Variants in OSBPL6 observed in about 807,000 individuals in gnomAD.
The protein encoded by OSBPL6 is oxysterol-binding protein-related protein 6.
OSBPL6 carries 49 observed loss-of-function variants against 125.8 expected under a neutral mutation model. The observed-to-expected ratio is 0.39, with a 90% CI of 0.31 to 0.49. The LOEUF (loss-of-function observed/expected upper bound fraction) is 0.49. Among genes scored for constraint, OSBPL6 ranks in the 20% least tolerant of loss-of-function variants. The pLI is 0.88. For synonymous variants in OSBPL6, 394 were observed against 391.8 expected (o/e 1.01, Z -0.07); for missense variants, 986 against 1,135.4 (o/e 0.87, Z 1.89).
intron 11 of OSBPL6, among the ~76,000 whole-genome samples, chr2:178,348,199 T>C (rs1029051896): frequency 6.6e-6 from 1 of 152,192 alleles, no homozygotes; most frequent in Non-Finnish European, 1.5e-5. Flanking sequence ...AAGGTAATGG[T>C]TCCTTCCTCC....
intron 13 of OSBPL6, among the ~76,000 whole-genome samples, chr2:178,363,072 G>C (rs570888796): frequency 1.3e-5 from 2 of 152,174 alleles, no homozygotes; most frequent in Non-Finnish European, 2.9e-5. Context: ...ATGTCATCTT[G>C]TAAACATATA....
At chr2:178,275,522 A>C (rs1235131113) in intron 1 of OSBPL6, among the ~76,000 whole-genome samples, 1 of 151,916 alleles carries the variant, frequency 6.6e-6, no homozygotes, top group African/African-American at 2.4e-5. Flanking sequence ...AATAATGATA[A>C]TAATAATAAT....
rs561501890 is a variant in OSBPL6, at chr2:178,265,231, A to G, written c.-350-19696A>G. On this transcript the variant is annotated intron_variant, in intron 1 of 24. Coordinates refer to ENST00000190611, the MANE Select transcript of OSBPL6 (RefSeq NM_032523.4). ...TTTTTTTTTTTTTTTTTTTTTTTTA[A>G]GATAGCATCTTGCTCTGTCACCCAG... is the stretch of plus-strand genomic sequence containing the variant. 6.2e-3 allele frequency among the ~76,000 whole-genome samples: 360 copies of G among 57,998 alleles called. 3 individuals carry two copies. Among genetic ancestry groups the G allele is most frequent in the African/African-American group, 0.017 (334 of 19,678 alleles). The allele number at this position is 57,998 out of a possible 152,430, so 38.0% of individuals were successfully genotyped here.
chr2:178,362,326 C>T (rs1692433437), intron 13 of OSBPL6, among the ~76,000 whole-genome samples: 1 of 152,034 alleles, frequency 6.6e-6, no homozygotes, highest in African/African-American at 2.4e-5. Flanking sequence ...GTTATGCTCC[C>T]TGAACTAGAC....
intron 1 of OSBPL6, among the ~76,000 whole-genome samples, chr2:178,248,129 A>G (rs1433552951): frequency 6.6e-6 from 1 of 152,232 alleles, no homozygotes. Context: ...GAAAGGCTAA[A>G]TGACTTGACC....
At chr2:178,364,891 C>G (rs541418970) in intron 13 of OSBPL6, among the ~76,000 whole-genome samples, 2 of 152,106 alleles carry the variant, frequency 1.3e-5, no homozygotes, top group South Asian at 2.1e-4. Context: ...AACATTTAAA[C>G]GACAGGCTGG....
intron 1 of OSBPL6, among the ~76,000 whole-genome samples, chr2:178,262,572 A>AAAAATATT (rs1197228021): frequency 6.6e-6 from 1 of 152,218 alleles, no homozygotes; most frequent in Non-Finnish European, 1.5e-5. Context: ...TTTAAAAAAG[A>AAAAATATT]AAAATATTAA....
chr2:178,217,214 G>A (rs2090127382), intron 1 of OSBPL6, among the ~76,000 whole-genome samples: 1 of 152,178 alleles, frequency 6.6e-6, no homozygotes, highest in African/African-American at 2.4e-5. Context: ...CTAAGTGAAA[G>A]GGAAAGAGGA....
chr2:178,349,229 T>C lies in OSBPL6; in HGVS notation c.993T>C (p.Pro331=), dbSNP rs777704703. Residue 331 remains proline, a synonymous_variant, in exon 12 of 25, where the codon CCT becomes CCC. Coordinates refer to ENST00000190611, the MANE Select transcript of OSBPL6 (RefSeq NM_032523.4). ...SKDTKIQLQV[P]FSATMSPVRL... is the part of the protein sequence containing the mutation. ...TTTGTATCTTCCCCTTTCAGGTTCC[T>C]TTCAGTGCTACCATGTCACCAGTTC... The C allele has an allele frequency of 5.6e-6, 9 of 1,613,972 alleles. No homozygotes were observed. Among genetic ancestry groups the C allele is most frequent in the Non-Finnish European group, 6.8e-6 (8 of 1,179,922 alleles).
At position 178,399,358 on chromosome 2, in the gene OSBPL6, CTG is replaced by C. The variant is rs1223682182; in HGVS notation, c.*3800_*3801del. ...TCCTAACTGAATTTCTTTTGTAAAA[CTG>C]ATACGTTTAAACTGTACATTGCATA... On this transcript the variant is annotated 3_prime_UTR_variant, in exon 25 of 25. Coordinates refer to ENST00000190611, the MANE Select transcript of OSBPL6 (RefSeq NM_032523.4). The C allele has an allele frequency of 1.3e-5, 2 of 152,072 alleles. No homozygotes were observed. Among genetic ancestry groups the C allele is most frequent in the Non-Finnish European group, 2.9e-5 (2 of 68,026 alleles). 9.4% of individuals were successfully genotyped at this position (152,072 alleles called of 1,614,324 possible).
chr2:178,363,933 TG>T (rs1224811699), intron 13 of OSBPL6, among the ~76,000 whole-genome samples: 14 of 152,254 alleles, frequency 9.2e-5, no homozygotes, highest in Non-Finnish European at 2.9e-5. Flanking sequence ...CCCAGCATTT[TG>T]GTGATGTTCA....
At chr2:178,214,925 C>G (rs573684374) in intron 1 of OSBPL6, among the ~76,000 whole-genome samples, 4 of 152,194 alleles carry the variant, frequency 2.6e-5, no homozygotes, top group African/African-American at 9.6e-5. Flanking sequence ...TGCATCCACT[C>G]TGGGCAACAG....
intron 1 of OSBPL6, among the ~76,000 whole-genome samples, chr2:178,250,428 A>G (rs527709110): frequency 6.6e-6 from 1 of 152,270 alleles, no homozygotes; most frequent in South Asian, 2.1e-4. Flanking sequence ...CCTTAGGCCC[A>G]GTCCTCACAT....
rs376718500 is a variant in OSBPL6, at chr2:178,265,191, C to CTTTTTTTTTTT, written c.-350-19708_-350-19698dup. On this transcript the variant is annotated intron_variant, in intron 1 of 24. Coordinates refer to ENST00000190611, the MANE Select transcript of OSBPL6 (RefSeq NM_032523.4). ...GTCACTTCCCCTGGCCCAGACGAGA[C>CTTTTTTTTTTT]TTTTTTTTTTTTTTTTTTTTTTTTT... Among the ~76,000 whole-genome samples the CTTTTTTTTTTT allele has an allele frequency of 4.7e-4, 16 of 33,730 alleles. 5 individuals carry two copies. The highest frequency in any genetic ancestry group is 8.7e-4 in the Admixed American group (5 of 5,716). The allele number at this position is 33,730 out of a possible 152,430, so 22.1% of individuals were successfully genotyped here.
chr2:178,310,073 G>A (rs910305776), intron 3 of OSBPL6, among the ~76,000 whole-genome samples: 9 of 152,156 alleles, frequency 5.9e-5, no homozygotes, highest in Admixed American at 2.6e-4. Flanking sequence ...TTTTTCCCCT[G>A]TAAGATTTGA....
chr2:178,274,643 G>T (rs915721755), intron 1 of OSBPL6, among the ~76,000 whole-genome samples: 1 of 151,876 alleles, frequency 6.6e-6, no homozygotes, highest in Non-Finnish European at 1.5e-5. Flanking sequence ...CACCAGTAAG[G>T]GTGTCCCTAG....
At chr2:178,253,337 G>A (rs1167598108) in intron 1 of OSBPL6, among the ~76,000 whole-genome samples, 1 of 152,080 alleles carries the variant, frequency 6.6e-6, no homozygotes, top group African/African-American at 2.4e-5. Flanking sequence ...CACTGTATAT[G>A]AGCAGAAGTC....
chr2:178,215,408 A>G (rs538103616), intron 1 of OSBPL6, among the ~76,000 whole-genome samples: 2 of 152,276 alleles, frequency 1.3e-5, no homozygotes, highest in African/African-American at 4.8e-5. Context: ...TTTGTTTATC[A>G]CAGCAGACAT....
chr2:178,231,386 C>T (rs982692626), intron 1 of OSBPL6, among the ~76,000 whole-genome samples: 9 of 152,092 alleles, frequency 5.9e-5, no homozygotes, highest in Non-Finnish European at 1.3e-4. Context: ...TGCCTAGTCC[C>T]AGGTAGTATA....
Sources: gnomAD v4.1 joint callset for allele counts (sites outside exome capture counted in the v4.1 genomes callset) on GRCh38, gnomAD v4.1.1 for gene constraint, MANE v1.5 for transcripts, NCBI Gene and HGNC (gene_info 2026-07-23, HGNC 2026-07-21) for gene names.